The following IGDCC3 variants were observed in gnomAD, a reference collection of about 807,000 sequenced individuals.
The protein encoded by IGDCC3 is putative neuronal cell adhesion molecule.
IGDCC3 carries 47 observed loss-of-function variants against 72.0 expected under a neutral mutation model. The observed-to-expected ratio is 0.65, with a 90% CI of 0.52 to 0.83. IGDCC3 has a LOEUF of 0.83. Among genes scored for constraint, IGDCC3 ranks in the 40% least tolerant of loss-of-function variants. The probability of loss-of-function intolerance (pLI) is 0.00; values close to 1 mark genes in which losing one functional copy is unlikely to be tolerated. For missense variants in IGDCC3, 1,038 were observed against 1,091.3 expected, an observed-to-expected ratio of 0.95 and a Z score of 0.69; for synonymous variants, 477 against 472.8, an observed-to-expected ratio of 1.01 and a Z score of -0.11.
At chr15:65,373,574 A>G (rs1428106569) in intron 2 of IGDCC3, 2 of 152,752 alleles carry the variant, frequency 1.3e-5, no homozygotes, top group African/African-American at 4.8e-5. Context: ...AGAGCCAGGA[A>G]GAAACTTGTC....
intron 2 of IGDCC3, among the ~76,000 whole-genome samples, chr15:65,370,639 T>C (rs922525656): frequency 5.5e-5 from 8 of 145,516 alleles, no homozygotes; most frequent in African/African-American, 2.0e-4. Flanking sequence ...TATATATATA[T>C]ATATATATAA....
At position 65,330,569 on chromosome 15, in the gene IGDCC3, G is replaced by A; in HGVS notation, c.1734C>T (p.Ser578=). ...GPILLPGTVS[S]YNLSQLDPTA... Reference sequence around the variant, plus strand: ...CCTCACCGAGCTGGCTGAGGTTGTAGGAGGAGACGGTTCCAGGCAGCAGGA... The same window carrying A: ...CCTCACCGAGCTGGCTGAGGTTGTAAGAGGAGACGGTTCCAGGCAGCAGGA... The change falls in exon 10 of 14, where the codon TCC becomes TCT. Residue 578 remains serine (S), a synonymous_variant. Transcript: ENST00000327987. 1.2e-6 allele frequency: 2 copies of A among 1,613,422 alleles called. No individual in the cohort carries two copies. The highest frequency in any genetic ancestry group is 1.7e-6 in the Non-Finnish European group (2 of 1,179,944).
intron 2 of IGDCC3, among the ~76,000 whole-genome samples, chr15:65,372,643 G>T (rs975098426): frequency 2.6e-5 from 4 of 152,088 alleles, no homozygotes; most frequent in Non-Finnish European, 5.9e-5. Context: ...TCTGCGAGGG[G>T]TGCTTAGCAT....
At chr15:65,338,558 C>T (rs2091051291) in intron 2 of IGDCC3, among the ~76,000 whole-genome samples, 1 of 150,086 alleles carries the variant, frequency 6.7e-6, no homozygotes, top group Admixed American at 6.7e-5. Context: ...GGGAGCCCAG[C>T]TGGCTGCACA....
rs547452485 is a variant in IGDCC3 at position 65,358,072 on chromosome 15, C to T, written c.409+17025G>A. Among the ~76,000 whole-genome samples the T allele has an allele frequency of 1.1e-4, 16 of 151,642 alleles. 1 individual carries two copies. In the South Asian group the frequency reaches 2.7e-3, roughly 26 times the overall value. ...AGAGAAAAAAGATCCAAGAAAACAACAGCTAGTTAGTTAGTAGCAGATCCA... is the reference window on the plus strand; with the variant it reads ...AGAGAAAAAAGATCCAAGAAAACAATAGCTAGTTAGTTAGTAGCAGATCCA... On this transcript the variant is annotated intron_variant, in intron 2 of 13. Transcript: ENST00000327987.
intron 2 of IGDCC3, among the ~76,000 whole-genome samples, 158 bp downstream of exon 2, chr15:65,374,939 C>G (rs755035511): frequency 6.6e-6 from 1 of 152,180 alleles, no homozygotes; most frequent in Non-Finnish European, 1.5e-5. Context: ...TCCACCGCCA[C>G]GAATCACTGC....
intron 2 of IGDCC3, among the ~76,000 whole-genome samples, chr15:65,366,668 GTGAGC>G (rs1433803375): frequency 6.6e-6 from 1 of 152,162 alleles, no homozygotes; most frequent in Non-Finnish European, 1.5e-5. Context: ...CCTGAGTCAG[GTGAGC>G]CAGTCCTGGC....
chr15:65,345,194 C>T (rs985245368), intron 2 of IGDCC3, among the ~76,000 whole-genome samples: 1 of 152,268 alleles, frequency 6.6e-6, no homozygotes, highest in Non-Finnish European at 1.5e-5. Flanking sequence ...TCTGACACCC[C>T]AGGAGCAAAC....
At chr15:65,356,277 G>T in intron 2 of IGDCC3, 1 of 154,182 alleles carries the variant, frequency 6.5e-6, no homozygotes, top group Non-Finnish European at 1.4e-5. Flanking sequence ...GGGTAGAGAA[G>T]GCAGGAGAGA....
Position 65,362,647 on chromosome 15 carries a change from G to A in IGDCC3, c.409+12450C>T, listed in dbSNP as rs965864001. On this transcript the variant is annotated intron_variant, in intron 2 of 13. Coordinates refer to ENST00000327987, the MANE Select transcript of IGDCC3 (RefSeq NM_004884.4). ...CTCCCCTTCAGAATGACTGATGACA[G>A]GGCCGTGCCCCCTCCCATTTTCCAC... Among the ~76,000 whole-genome samples, 41 of 152,154 alleles carry A rather than the reference G, an allele frequency of 2.7e-4. 1 individual carries two copies. Among genetic ancestry groups the A allele is most frequent in the Admixed American group, 2.0e-4 (3 of 15,274 alleles).
In IGDCC3 at chr15:65,377,680, A is replaced by G; in HGVS notation, c.103+6T>C. 6.9e-7 allele frequency: 1 copy of G among 1,442,680 alleles called. No individual in the cohort carries two copies. Among genetic ancestry groups the G allele is most frequent in the South Asian group, 1.4e-5 (1 of 70,228 alleles). The allele number at this position is 1,442,680 out of a possible 1,614,324, so 89.4% of individuals were successfully genotyped here. On this transcript the variant is annotated splice_donor_region_variant and intron_variant, in intron 1 of 13. Transcript: ENST00000327987. This position sits in a 1 kb window ranked among gnomAD's most constrained non-coding sequence, Gnocchi z 4.9. ...CAACCGCCCGGTCCGGGGCGCTTTC[A>G]CTCACCCTCGCTCGGCGCGGGCAGC... is the stretch of plus-strand genomic sequence containing the variant.
At position 65,339,626 on chromosome 15, in the gene IGDCC3, G is replaced by A. The variant is rs1159050009; in HGVS notation, c.410-3670C>T. Among the ~76,000 whole-genome samples, 2 of 152,244 alleles carry A rather than the reference G, an allele frequency of 1.3e-5. No individual in the cohort carries two copies. The highest frequency in any genetic ancestry group is 4.8e-5 in the African/African-American group (2 of 41,470). ...GAGAGGGTCCCTGAGCAAACATGAG[G>A]AAGTGGGGCTGAGGGCCGGACTTCA... On this transcript the variant is annotated intron_variant, in intron 2 of 13. Coordinates refer to ENST00000327987, the MANE Select transcript of IGDCC3 (RefSeq NM_004884.4). This position sits in a 1 kb window ranked among gnomAD's most constrained non-coding sequence, Gnocchi z 4.1.
intron 2 of IGDCC3, among the ~76,000 whole-genome samples, chr15:65,336,816 C>T (rs1205983526): frequency 6.6e-6 from 1 of 152,056 alleles, no homozygotes; most frequent in African/African-American, 2.4e-5. Flanking sequence ...TCCACCCATG[C>T]CCAAACCCCA....
intron 4 of IGDCC3, 28 bp from the exon 5 acceptor site, chr15:65,334,893 C>G (rs754550360): frequency 1.3e-6 from 2 of 1,599,018 alleles, no homozygotes; most frequent in African/African-American, 2.7e-5. Context: ...CATATCCTCA[C>G]TTCAGCTGGG....
intron 2 of IGDCC3, among the ~76,000 whole-genome samples, chr15:65,342,581 T>C (rs2091091724): frequency 6.6e-6 from 1 of 152,088 alleles, no homozygotes; most frequent in Non-Finnish European, 1.5e-5. Flanking sequence ...GGTCGTGGAC[T>C]CCCCTTCCTC....
rs369204315 is a variant in IGDCC3, at chr15:65,330,530, C to T, written c.1753+20G>A. 8 of 1,610,648 alleles carry T rather than the reference C, an allele frequency of 5.0e-6. No individual in the cohort carries two copies. Among genetic ancestry groups the T allele is most frequent in the Non-Finnish European group, 5.9e-6 (7 of 1,178,044 alleles). ...CGCACTCTGCCAAGCCCCCTAGGCTCTGGGCTGTGTCTGCCTCACCGAGCT... is the reference window on the plus strand; with the variant it reads ...CGCACTCTGCCAAGCCCCCTAGGCTTTGGGCTGTGTCTGCCTCACCGAGCT... On this transcript the variant is annotated intron_variant, in intron 10 of 13. Coordinates refer to ENST00000327987, the MANE Select transcript of IGDCC3 (RefSeq NM_004884.4).
Position 65,370,618 on chromosome 15 carries a change from G to GTATATA in IGDCC3, c.409+4478_409+4479insTATATA, listed in dbSNP as rs779669712. On this transcript the variant is annotated intron_variant, in intron 2 of 13. Transcript: ENST00000327987. ...TATATGTATGTGTATATATATGTATGTGTATATATATATATATATATATAT... is the reference window on the plus strand; with the variant it reads ...TATATGTATGTGTATATATATGTATGTATATATGTATATATATATATATATATATAT... Among the ~76,000 whole-genome samples the GTATATA allele has an allele frequency of 8.1e-3, 461 of 56,848 alleles. 4 individuals carry two copies. Among genetic ancestry groups the GTATATA allele is most frequent in the Middle Eastern group, 0.018 (2 of 110 alleles). 37.3% of individuals were successfully genotyped at this position (56,848 alleles called of 152,430 possible). A position where few individuals can be genotyped will look rare whatever the true frequency, so the allele number is the denominator to read the frequency against.
At chr15:65,372,345 G>T (rs2091331179) in intron 2 of IGDCC3, among the ~76,000 whole-genome samples, 3 of 152,300 alleles carry the variant, frequency 2.0e-5, no homozygotes, top group Admixed American at 2.0e-4. Flanking sequence ...CAAGCACGTG[G>T]AGCTGCAATG....
chr15:65,338,399 CTCTGCTGGGATGTCCCTT>C (rs2140144355), intron 2 of IGDCC3, among the ~76,000 whole-genome samples: 1 of 152,320 alleles, frequency 6.6e-6, no homozygotes, highest in East Asian at 1.9e-4. Context: ...AGGCCAGGCT[CTCTGCTGGGATGTCCCTT>C]AGTTTTCCAG....
Sources: allele counts gnomAD v4.1 joint callset (sites outside exome capture counted in the v4.1 genomes callset), GRCh38; gene constraint gnomAD v4.1.1; non-coding constraint Gnocchi (gnomAD v3.1); transcripts MANE v1.5; gene names NCBI Gene and HGNC (gene_info 2026-07-23, HGNC 2026-07-21).